The following SETBP1 variants were observed in gnomAD, a reference collection of about 807,000 sequenced individuals.
The protein encoded by SETBP1 is SET binding protein 1.
In SETBP1, 9 loss-of-function variants were observed where a neutral mutation model predicts 101.0. The ratio of observed to expected loss-of-function variants is 0.09; its 90% confidence interval spans 0.05 to 0.16. SETBP1 has a LOEUF of 0.16. Among genes scored for constraint, SETBP1 ranks in the 10% least tolerant of loss-of-function variants. SETBP1 has a pLI of 1.00. For missense variants in SETBP1, 1,858 were observed against 2,033.8 expected (o/e 0.91, Z 1.66); for synonymous variants, 818 against 788.5 (o/e 1.04, Z -0.63).
chr18:44,742,214 A>T (rs1244271995), intron 2 of SETBP1, among the ~76,000 whole-genome samples: 1 of 152,200 alleles, frequency 6.6e-6, no homozygotes, highest in Non-Finnish European at 1.5e-5. Context: ...TGAAGCCAAG[A>T]GAGGAGAGTT....
chr18:44,727,742 TGGTGCTTTGTG>T (rs2069746549), intron 2 of SETBP1, among the ~76,000 whole-genome samples: 1 of 152,232 alleles, frequency 6.6e-6, no homozygotes, highest in Admixed American at 6.5e-5. Flanking sequence ...CCAATCTCCT[TGGTGCTTTGTG>T]GGTGGCCTTT....
At chr18:44,832,402 T>G (rs2072393037) in intron 2 of SETBP1, among the ~76,000 whole-genome samples, 1 of 152,172 alleles carries the variant, frequency 6.6e-6, no homozygotes, top group Non-Finnish European at 1.5e-5. Flanking sequence ...CACTATGTGC[T>G]CAGGAAATGC....
chr18:44,877,748 T>G (rs2069441670), intron 3 of SETBP1, among the ~76,000 whole-genome samples: 1 of 152,178 alleles, frequency 6.6e-6, no homozygotes, highest in South Asian at 2.1e-4. Flanking sequence ...CTGCTTACCT[T>G]GACTGTGTTT....
intron 4 of SETBP1, among the ~76,000 whole-genome samples, chr18:44,965,710 C>CT (rs1451637257): frequency 2.0e-5 from 3 of 152,274 alleles, no homozygotes; most frequent in African/African-American, 7.2e-5. Flanking sequence ...GCTGAAATAG[C>CT]TTTTTTCTTT....
At chr18:44,852,318 G>T (rs1306920165) in intron 2 of SETBP1, among the ~76,000 whole-genome samples, 1 of 152,172 alleles carries the variant, frequency 6.6e-6, no homozygotes. Context: ...CCTCTTTTGA[G>T]ATCTCCTCAT....
At chr18:44,911,232 A>G (rs966239209) in intron 3 of SETBP1, among the ~76,000 whole-genome samples, 1 of 152,120 alleles carries the variant, frequency 6.6e-6, no homozygotes, top group African/African-American at 2.4e-5. Flanking sequence ...TGAGGCTTCT[A>G]TTATTGAAAT....
intron 3 of SETBP1, among the ~76,000 whole-genome samples, chr18:44,881,616 G>A (rs947450192): frequency 6.6e-6 from 1 of 152,178 alleles, no homozygotes; most frequent in Admixed American, 6.5e-5. Flanking sequence ...TCTTGCAGGG[G>A]CCTGATGGGT....
At chr18:44,700,067 A>G (rs2069090449) in intron 1 of SETBP1, among the ~76,000 whole-genome samples, 1 of 152,142 alleles carries the variant, frequency 6.6e-6, no homozygotes, top group Non-Finnish European at 1.5e-5. Flanking sequence ...CGTACAGCCT[A>G]AGGGTGGGAG....
intron 3 of SETBP1, among the ~76,000 whole-genome samples, chr18:44,890,234 C>T (rs1020754865): frequency 6.6e-6 from 1 of 152,086 alleles, no homozygotes; most frequent in Non-Finnish European, 1.5e-5. Flanking sequence ...AACTCTTTGA[C>T]CAGCATCTCC....
At chr18:44,689,853 G>A (rs1326800783) in intron 1 of SETBP1, among the ~76,000 whole-genome samples, 1 of 152,196 alleles carries the variant, frequency 6.6e-6, no homozygotes, top group Non-Finnish European at 1.5e-5. Context: ...ATGGGATGGT[G>A]TCCTGTAGGA....
intron 3 of SETBP1, among the ~76,000 whole-genome samples, chr18:44,908,205 C>T (rs1022749537): frequency 6.6e-6 from 1 of 151,994 alleles, no homozygotes; most frequent in East Asian, 1.9e-4. Context: ...GGATTACAGG[C>T]GCCCACCACC....
At chr18:45,058,034 A>G (rs1264027588) in intron 5 of SETBP1, among the ~76,000 whole-genome samples, 1 of 152,254 alleles carries the variant, frequency 6.6e-6, no homozygotes, top group South Asian at 2.1e-4. Context: ...CTAGATCTGG[A>G]CCAAAACCAG....
chr18:44,781,574 A>G (rs1401160700), intron 2 of SETBP1, among the ~76,000 whole-genome samples: 3 of 138,568 alleles, frequency 2.2e-5, no homozygotes, highest in Non-Finnish European at 4.5e-5. Context: ...ATGTATCCCT[A>G]TTGCCTAACA....
chr18:44,714,614 G>A (rs1189211834), intron 2 of SETBP1, among the ~76,000 whole-genome samples: 1 of 151,730 alleles, frequency 6.6e-6, no homozygotes, highest in Non-Finnish European at 1.5e-5. Flanking sequence ...GTGTGTGTAT[G>A]TGTGTGTGTG....
intron 3 of SETBP1, among the ~76,000 whole-genome samples, chr18:44,945,153 G>A (rs1001202833): frequency 5.5e-4 from 84 of 151,844 alleles, no homozygotes; most frequent in African/African-American, 1.6e-3. Flanking sequence ...TCCGCTCCCC[G>A]CCCACCACCA....
At chr18:44,871,219 G>C (rs1346103817) in intron 3 of SETBP1, 2 of 152,160 alleles carry the variant, frequency 1.3e-5, no homozygotes, top group Non-Finnish European at 2.9e-5. Context: ...CTAGTGAAAG[G>C]CCCAGATGTG....
intron 1 of SETBP1, among the ~76,000 whole-genome samples, chr18:44,700,128 G>A (rs2614996): frequency 0.91 from 138,814 of 152,184 alleles, 63,528 homozygotes; most frequent in East Asian, 1. Flanking sequence ...GAGACTGAGC[G>A]TTTGGGCTTC....
At chr18:44,736,728 G>T (rs191693929) in intron 2 of SETBP1, among the ~76,000 whole-genome samples, 56 of 152,284 alleles carry the variant, frequency 3.7e-4, no homozygotes, top group Non-Finnish European at 6.5e-4. Flanking sequence ...TCTACGTACA[G>T]TTCTCTCATA....
At position 44,701,799 on chromosome 18, in the gene SETBP1, G is replaced by A. The variant is rs760574580; in HGVS notation, c.453G>A (p.Thr151=). The change falls in exon 2 of 6, where the codon ACG becomes ACA. Residue 151 remains threonine (T), a synonymous_variant. Coordinates refer to ENST00000649279, the MANE Select transcript of SETBP1 (RefSeq NM_015559.3). ...VSRAGKNSKA[T]KEEERSHSKK... Reference sequence around the variant, plus strand: ...GTGCTGGAAAAAATAGCAAAGCCACGAAGGAGGAAGAAAGAAGCCACTCCA... The same window carrying A: ...GTGCTGGAAAAAATAGCAAAGCCACAAAGGAGGAAGAAAGAAGCCACTCCA... 1.2e-5 allele frequency: 19 copies of A among 1,612,818 alleles called. No individual in the cohort carries two copies. Among genetic ancestry groups the A allele is most frequent in the African/African-American group, 1.1e-4 (8 of 74,906 alleles).
Sources: allele counts gnomAD v4.1 joint callset (sites outside exome capture counted in the v4.1 genomes callset), GRCh38; gene constraint gnomAD v4.1.1; transcripts MANE v1.5; gene names NCBI Gene and HGNC (gene_info 2026-07-23, HGNC 2026-07-21).